B3GALT1: variants seen among roughly 807,000 people sequenced by gnomAD.
B3GALT1 encodes the protein beta-1,3-galactosyltransferase 1.
In B3GALT1, 10 loss-of-function variants were observed where a neutral mutation model predicts 23.2. The observed-to-expected ratio is 0.43, with a 90% confidence interval of 0.27 to 0.73. The LOEUF is 0.73. Among genes scored for constraint, B3GALT1 ranks in the 30% least tolerant of loss-of-function variants. The probability of loss-of-function intolerance (pLI) is 0.21; values close to 1 mark genes in which losing one functional copy is unlikely to be tolerated. For synonymous variants in B3GALT1, 156 were observed against 141.5 expected (o/e 1.10, Z -0.73); for missense variants, 299 against 405.4 (o/e 0.74, Z 2.25).
chr2:167,625,004 T>C (rs115507028), intron 2 of B3GALT1, among the ~76,000 whole-genome samples: 5 of 152,098 alleles, frequency 3.3e-5, no homozygotes, highest in South Asian at 4.1e-4. Flanking sequence ...CCATAAAGAA[T>C]AGAGGGCTAG....
intron 1 of B3GALT1, among the ~76,000 whole-genome samples, chr2:167,445,535 G>A (rs1698969304): frequency 6.6e-6 from 1 of 152,168 alleles, no homozygotes; most frequent in Non-Finnish European, 1.5e-5. Flanking sequence ...CTTGCTTTAT[G>A]AACCTGGATG....
rs576302518 is a variant in B3GALT1, at chr2:167,836,872, T to C, written c.-230+18079T>C. On this transcript the variant is annotated intron_variant, in intron 4 of 4. Coordinates refer to ENST00000392690, the MANE Select transcript of B3GALT1 (RefSeq NM_020981.4). ...GCCAGAAGAGAGTGGGGGCCAATATTCAACATTCTTAAAGAAAAGAATTTT... is the reference window on the plus strand; with the variant it reads ...GCCAGAAGAGAGTGGGGGCCAATATCCAACATTCTTAAAGAAAAGAATTTT... Among the ~76,000 whole-genome samples the C allele has an allele frequency of 1.6e-3, 241 of 152,218 alleles. 1 individual carries two copies. The highest frequency in any genetic ancestry group is 5.4e-3 in the African/African-American group (226 of 41,542).
chr2:167,610,029 A>T (rs978377357), intron 2 of B3GALT1, among the ~76,000 whole-genome samples: 2 of 152,158 alleles, frequency 1.3e-5, no homozygotes, highest in African/African-American at 4.8e-5. Context: ...AAAAATATAT[A>T]GTGCTAAACT....
chr2:167,536,040 C>T (rs914059247), intron 2 of B3GALT1, among the ~76,000 whole-genome samples: 3 of 152,070 alleles, frequency 2.0e-5, no homozygotes, highest in Admixed American at 6.6e-5. Flanking sequence ...TCTCGTGCCT[C>T]AGCCTCTTGA....
intron 1 of B3GALT1, among the ~76,000 whole-genome samples, chr2:167,369,927 A>T (rs1261475789): frequency 2.0e-5 from 3 of 152,198 alleles, no homozygotes; most frequent in African/African-American, 7.2e-5. Context: ...TGCTATTTAA[A>T]AAAAAATGTT....
chr2:167,591,464 ATTTAT>A (rs1240472224), intron 2 of B3GALT1, among the ~76,000 whole-genome samples: 3 of 151,772 alleles, frequency 2.0e-5, no homozygotes, highest in Non-Finnish European at 4.4e-5. Context: ...ACTTTAATTA[ATTTAT>A]TTATTTATTT....
At position 167,691,755 on chromosome 2, in the gene B3GALT1, ATAAT is replaced by A. The variant is rs374763938; in HGVS notation, c.-352+44795_-352+44798del. 2.4e-3 allele frequency among the ~76,000 whole-genome samples: 370 copies of A among 152,314 alleles called. 1 individual carries two copies. Among genetic ancestry groups the A allele is most frequent in the African/African-American group, 8.3e-3 (346 of 41,584 alleles). ...AATGAGATGAATGTGTTAAACATAA[ATAAT>A]TAATTTAGTAGCTTAAAAGGCATAG... is the stretch of plus-strand genomic sequence containing the variant. On this transcript the variant is annotated intron_variant, in intron 3 of 4. Transcript: ENST00000392690.
chr2:167,398,650 C>T (rs1698138636), intron 1 of B3GALT1, among the ~76,000 whole-genome samples: 2 of 152,076 alleles, frequency 1.3e-5, no homozygotes, highest in African/African-American at 2.4e-5. Flanking sequence ...GAGGAATACC[C>T]ACCAAGGATA....
At chr2:167,455,047 C>A (rs372853002) in intron 1 of B3GALT1, among the ~76,000 whole-genome samples, 1 of 152,188 alleles carries the variant, frequency 6.6e-6, no homozygotes, top group African/African-American at 2.4e-5. Context: ...AATTTACTGA[C>A]TAACTTCATT....
chr2:167,521,978 G>GTATATATA (rs1430638545), intron 2 of B3GALT1, among the ~76,000 whole-genome samples: 29 of 90,780 alleles, frequency 3.2e-4, no homozygotes, highest in African/African-American at 1.2e-3. Flanking sequence ...ATGTGTGTGT[G>GTATATATA]TGTGTGTATA....
At chr2:167,702,659 C>T (rs1686898738) in intron 3 of B3GALT1, among the ~76,000 whole-genome samples, 1 of 152,130 alleles carries the variant, frequency 6.6e-6, no homozygotes, top group Non-Finnish European at 1.5e-5. Context: ...TATAACCATT[C>T]CTATAAAATA....
chr2:167,833,106 A>G (rs1689385142), intron 4 of B3GALT1, among the ~76,000 whole-genome samples: 1 of 152,238 alleles, frequency 6.6e-6, no homozygotes, highest in Non-Finnish European at 1.5e-5. Flanking sequence ...CTCACTGAAC[A>G]TGCCTGTTTA....
chr2:167,807,804 A>G (rs947146049), intron 3 of B3GALT1, among the ~76,000 whole-genome samples: 5 of 152,182 alleles, frequency 3.3e-5, no homozygotes, highest in African/African-American at 7.2e-5. Flanking sequence ...GATTTGGGGT[A>G]GAGAGTTCTG....
intron 2 of B3GALT1, among the ~76,000 whole-genome samples, chr2:167,516,197 A>T (rs2105358061): frequency 6.6e-6 from 1 of 152,144 alleles, no homozygotes; most frequent in East Asian, 1.9e-4. Context: ...TTTTCTGCTA[A>T]GAGATATTTG....
chr2:167,609,136 A>G (rs894199210), intron 2 of B3GALT1, among the ~76,000 whole-genome samples: 1 of 152,138 alleles, frequency 6.6e-6, no homozygotes, highest in Non-Finnish European at 1.5e-5. Context: ...ATTGTTGTTG[A>G]TGTAGTCAGA....
At chr2:167,701,751 C>G (rs1686884952) in intron 3 of B3GALT1, among the ~76,000 whole-genome samples, 1 of 152,148 alleles carries the variant, frequency 6.6e-6, no homozygotes, top group Non-Finnish European at 1.5e-5. Flanking sequence ...TTTTCTTTGA[C>G]TAACATTCAG....
intron 1 of B3GALT1, among the ~76,000 whole-genome samples, chr2:167,452,045 C>T (rs112546812): frequency 2.6e-5 from 4 of 152,054 alleles, no homozygotes; most frequent in Non-Finnish European, 5.9e-5. Context: ...CCAACAGCAC[C>T]GGGTTTATTT....
intron 2 of B3GALT1, among the ~76,000 whole-genome samples, chr2:167,630,908 C>A (rs1018428071): frequency 6.6e-6 from 1 of 150,568 alleles, no homozygotes; most frequent in Non-Finnish European, 1.5e-5. Context: ...CCTTATTTCT[C>A]TCCTTCATTC....
rs149357790 is a variant in B3GALT1 at position 167,761,005 on chromosome 2, T to C, written c.-351-57667T>C. Reference sequence around the variant, plus strand: ...AGCAGGGTGCTTTATAATTCAATATTACATGTGCCTGTTTGACCTTAATTT... The same window carrying C: ...AGCAGGGTGCTTTATAATTCAATATCACATGTGCCTGTTTGACCTTAATTT... On this transcript the variant is annotated intron_variant, in intron 3 of 4. Coordinates refer to ENST00000392690, the MANE Select transcript of B3GALT1 (RefSeq NM_020981.4). Among the ~76,000 whole-genome samples the C allele has an allele frequency of 8.8e-4, 134 of 152,330 alleles. 1 individual carries two copies. Among genetic ancestry groups the C allele is most frequent in the African/African-American group, 3.1e-3 (129 of 41,574 alleles).
Sources: gnomAD v4.1 joint callset for allele counts (sites outside exome capture counted in the v4.1 genomes callset) on GRCh38, gnomAD v4.1.1 for gene constraint, MANE v1.5 for transcripts, NCBI Gene and HGNC (gene_info 2026-07-23, HGNC 2026-07-21) for gene names.